The following POPDC1 variants were observed in gnomAD, a reference collection of about 807,000 sequenced individuals.
The protein encoded by POPDC1 is popeye domain cAMP effector 1, also known as popeye domain-containing protein 1.
At chr6:105,127,938 T>C in the POPDC1 span, among the ~76,000 whole-genome samples, 1 of 152,200 alleles carries the variant, frequency 6.6e-6, no homozygotes, top group Non-Finnish European at 1.5e-5. Flanking sequence ...TTTGTATTTT[T>C]TAGTAGAGAC....
the POPDC1 span, chr6:105,101,153 TCTG>T: frequency 6.2e-7 from 1 of 1,613,776 alleles, no homozygotes; most frequent in Non-Finnish European, 8.5e-7. Context: ...ATCATCATCT[TCTG>T]CTCCTTCTTC....
At chr6:105,116,991 T>A in the POPDC1 span, 1 of 983,878 alleles carries the variant, frequency 1.0e-6, no homozygotes, top group Non-Finnish European at 1.4e-6. Context: ...TGTCAAATTA[T>A]AAAAAAAAGG....
the POPDC1 span, chr6:105,125,723 C>T: frequency 1.3e-6 from 1 of 774,562 alleles, no homozygotes; most frequent in Non-Finnish European, 2.1e-6. Context: ...TAGAATCTTA[C>T]ACAGCAAGTG....
chr6:105,116,159 C>T, the POPDC1 span, among the ~76,000 whole-genome samples: 1 of 152,086 alleles, frequency 6.6e-6, no homozygotes, highest in Admixed American at 6.5e-5. Context: ...CAGTACTTAT[C>T]ACAGAAACGA....
At chr6:105,135,850 C>T in the POPDC1 span, among the ~76,000 whole-genome samples, 1 of 152,078 alleles carries the variant, frequency 6.6e-6, no homozygotes, top group South Asian at 2.1e-4. Flanking sequence ...CGTTAAGTGG[C>T]TTACACTTAA....
the POPDC1 span, chr6:105,125,675 C>A: frequency 8.6e-7 from 1 of 1,158,446 alleles, no homozygotes; most frequent in Non-Finnish European, 1.3e-6. Flanking sequence ...ATTAACAAAT[C>A]TTTGATATAT....
the POPDC1 span, among the ~76,000 whole-genome samples, chr6:105,115,445 T>C: frequency 2.0e-5 from 3 of 152,238 alleles, no homozygotes; most frequent in Admixed American, 2.0e-4. Context: ...GCAAAGTATA[T>C]GGCAAAACCA....
At chr6:105,098,135 A>T in the POPDC1 span, 1 of 152,204 alleles carries the variant, frequency 6.6e-6, no homozygotes, top group Non-Finnish European at 1.5e-5. Flanking sequence ...GCCAAAAAAC[A>T]CAGGAAGCAT....
the POPDC1 span, chr6:105,101,202 G>C: frequency 6.2e-7 from 1 of 1,610,502 alleles, no homozygotes; most frequent in Non-Finnish European, 8.5e-7. Context: ...CGCTGGTGTG[G>C]GGATGACACA....
At chr6:105,115,979 ATTT>A in the POPDC1 span, 1 of 551,764 alleles carries the variant, frequency 1.8e-6, no homozygotes, top group East Asian at 3.3e-5. Context: ...ATAAGCTATG[ATTT>A]TTATTATTAG....
the POPDC1 span, chr6:105,133,623 A>G: frequency 6.9e-7 from 1 of 1,458,718 alleles, no homozygotes; most frequent in Non-Finnish European, 9.3e-7. Context: ...AAAATCGTAA[A>G]AATGGCAATT....
the POPDC1 span, chr6:105,100,770 T>C: frequency 5.9e-6 from 1 of 170,656 alleles, no homozygotes. Flanking sequence ...AAAAAATAAG[T>C]GAAAAGGCAT....
chr6:105,136,395 C>G, the POPDC1 span: 1 of 152,230 alleles, frequency 6.6e-6, no homozygotes, highest in African/African-American at 2.4e-5. Context: ...TCCGTGGCAA[C>G]GGTCCTCCTC....
At chr6:105,128,029 G>A in the POPDC1 span, among the ~76,000 whole-genome samples, 12 of 152,222 alleles carry the variant, frequency 7.9e-5, no homozygotes, top group African/African-American at 1.2e-4. Flanking sequence ...CGAAGTGTTG[G>A]GATTACAGGC....
At chr6:105,116,864 G>T in the POPDC1 span, 8 of 1,610,730 alleles carry the variant, frequency 5.0e-6, no homozygotes, top group Non-Finnish European at 6.8e-6. Context: ...TGCAATAATG[G>T]TGACCTGCCA....
chr6:105,104,923 T>A, the POPDC1 span, among the ~76,000 whole-genome samples: 1 of 152,202 alleles, frequency 6.6e-6, no homozygotes, highest in Non-Finnish European at 1.5e-5. Flanking sequence ...AAAGCACTTT[T>A]CAGAGCAATT....
the POPDC1 span, among the ~76,000 whole-genome samples, chr6:105,106,624 C>G: frequency 6.6e-6 from 1 of 152,132 alleles, no homozygotes; most frequent in Non-Finnish European, 1.5e-5. Context: ...GGGCTGGGTG[C>G]TGGTTAGGGA....
chr6:105,101,140 G>A, the POPDC1 span: 16 of 1,613,588 alleles, frequency 9.9e-6, no homozygotes, highest in East Asian at 6.7e-5. Flanking sequence ...GTTCAAAAAC[G>A]TCATCATCAT....
chr6:105,099,422 T>C, the POPDC1 span: 2 of 152,192 alleles, frequency 1.3e-5, no homozygotes, highest in Admixed American at 6.5e-5. Flanking sequence ...ACAACTTCAT[T>C]TGGAACTTTT....
Sources: gnomAD v4.1 joint callset for allele counts (sites outside exome capture counted in the v4.1 genomes callset) on GRCh38, gnomAD v4.1.1 for gene constraint, MANE v1.5 for transcripts, NCBI Gene and HGNC (gene_info 2026-07-23, HGNC 2026-07-21) for gene names.